The following EPHA4 variants were observed in gnomAD, a reference collection of about 807,000 sequenced individuals.
EPHA4 encodes the protein ephrin type-A receptor 4.
In EPHA4, 19 loss-of-function variants were observed where a neutral mutation model predicts 108.3. That is an observed-to-expected ratio of 0.18 (90% CI 0.12 to 0.26). The LOEUF (loss-of-function observed/expected upper bound fraction) is 0.26. Ranked by LOEUF, EPHA4 falls within the 10% of genes least tolerant of loss-of-function variation. The probability of loss-of-function intolerance (pLI) is 1.00; values close to 1 mark genes in which losing one functional copy is unlikely to be tolerated. For synonymous variants in EPHA4, 449 were observed against 455.5 expected (o/e 0.99, Z 0.18); for missense variants, 917 against 1,254.0 (o/e 0.73, Z 4.06).
Position 221,443,290 on chromosome 2 carries a change from T to C in EPHA4, c.1888+203A>G, listed in dbSNP as rs576675360. Among the ~76,000 whole-genome samples, 19 of 152,300 alleles carry C rather than the reference T, an allele frequency of 1.2e-4. No homozygotes were observed. The South Asian group carries it at 3.7e-3, about 30-fold the overall frequency. On this transcript the variant is annotated intron_variant, in intron 10 of 17. Transcript: ENST00000281821. ...TGAATGCAATCAATCTGATTTCAGA[T>C]TGCATTAAGTTTCTCTCTAAGAATA...
At chr2:221,473,126 A>G (rs566182840) in intron 5 of EPHA4, among the ~76,000 whole-genome samples, 9 of 152,242 alleles carry the variant, frequency 5.9e-5, no homozygotes, top group African/African-American at 2.2e-4. Flanking sequence ...CGTTTTTATC[A>G]TTGCCGTTTC....
chr2:221,543,566 A>G (rs1015789768), intron 3 of EPHA4, among the ~76,000 whole-genome samples: 1 of 152,170 alleles, frequency 6.6e-6, no homozygotes, highest in African/African-American at 2.4e-5. Context: ...TCGCTTCAAC[A>G]TGGCTCTAAG....
At chr2:221,434,846 G>C (rs1428515728) in intron 13 of EPHA4, among the ~76,000 whole-genome samples, 1 of 151,962 alleles carries the variant, frequency 6.6e-6, no homozygotes, top group African/African-American at 2.4e-5. Context: ...CCAGATACTA[G>C]AGCTATTAAT....
At chr2:221,493,572 C>G (rs6727259) in intron 4 of EPHA4, among the ~76,000 whole-genome samples, 99,529 of 152,154 alleles carry the variant, frequency 0.65, 32,883 homozygotes, top group East Asian at 0.8. Flanking sequence ...CAGCACCGGT[C>G]GAATCGACAT....
At chr2:221,543,469 T>C (rs1452826775) in intron 3 of EPHA4, among the ~76,000 whole-genome samples, 1 of 152,184 alleles carries the variant, frequency 6.6e-6, no homozygotes, top group Non-Finnish European at 1.5e-5. Flanking sequence ...TTGCCTATCT[T>C]TATACTTGCC....
intron 8 of EPHA4, among the ~76,000 whole-genome samples, chr2:221,448,800 G>A (rs1308951224): frequency 6.6e-6 from 1 of 152,148 alleles, no homozygotes; most frequent in Non-Finnish European, 1.5e-5. Context: ...AAAAACAAAT[G>A]CATAGAGTGA....
chr2:221,492,743 G>A (rs1209519911), intron 4 of EPHA4, among the ~76,000 whole-genome samples: 5 of 152,202 alleles, frequency 3.3e-5, no homozygotes, highest in Admixed American at 1.3e-4. Context: ...TGATCAGTTT[G>A]TACAGTCCAT....
At chr2:221,496,965 T>C (rs1022755445) in intron 4 of EPHA4, among the ~76,000 whole-genome samples, 3 of 152,056 alleles carry the variant, frequency 2.0e-5, no homozygotes, top group African/African-American at 7.2e-5. Context: ...GTACAATAAA[T>C]TAACAGACTG....
intron 3 of EPHA4, 156 bp from the exon 4 acceptor site, chr2:221,501,328 A>G: frequency 1.7e-6 from 1 of 581,628 alleles, no homozygotes; most frequent in Non-Finnish European, 2.8e-6. Flanking sequence ...AACCAAAAGC[A>G]TTCATTGAGT....
chr2:221,448,861 A>G (rs1322435272), intron 8 of EPHA4, among the ~76,000 whole-genome samples: 1 of 152,232 alleles, frequency 6.6e-6, no homozygotes, highest in Non-Finnish European at 1.5e-5. Context: ...AACCTGGAAT[A>G]TACCATAGAA....
chr2:221,511,886 T>G (rs191098934), intron 3 of EPHA4, among the ~76,000 whole-genome samples: 26 of 152,314 alleles, frequency 1.7e-4, no homozygotes, highest in Admixed American at 1.1e-3. Flanking sequence ...CACTGAAAAT[T>G]TGCTATCTGA....
intron 5 of EPHA4, among the ~76,000 whole-genome samples, chr2:221,471,832 G>A (rs1691496048): frequency 6.6e-6 from 1 of 152,154 alleles, no homozygotes. Flanking sequence ...TACTTTCAGA[G>A]GGGGTAAGGC....
intron 9 of EPHA4, among the ~76,000 whole-genome samples, chr2:221,444,127 G>A (rs1326417595): frequency 6.6e-6 from 1 of 151,966 alleles, no homozygotes; most frequent in Non-Finnish European, 1.5e-5. Flanking sequence ...GTTAATATCA[G>A]CTAGTTGATT....
chr2:221,566,909 A>AAGAG, intron 2 of EPHA4, among the ~76,000 whole-genome samples: 1 of 45,360 alleles, frequency 2.2e-5, no homozygotes, highest in African/African-American at 1.4e-4. Flanking sequence ...AAGGAGAAGG[A>AAGAG]GAAGGAGAAG....
intron 3 of EPHA4, among the ~76,000 whole-genome samples, chr2:221,535,161 G>A (rs1211772979): frequency 1.3e-5 from 2 of 152,198 alleles, no homozygotes; most frequent in African/African-American, 4.8e-5. Context: ...CCTTAGTGGT[G>A]TGGGCAATAC....
At chr2:221,473,414 G>A (rs1171806807) in intron 5 of EPHA4, among the ~76,000 whole-genome samples, 3 of 152,006 alleles carry the variant, frequency 2.0e-5, no homozygotes, top group Non-Finnish European at 4.4e-5. Context: ...AAATGCCACA[G>A]GGATGTTGAG....
chr2:221,423,626 C>A (rs556524099), intron 17 of EPHA4, among the ~76,000 whole-genome samples: 1 of 152,250 alleles, frequency 6.6e-6, no homozygotes, highest in South Asian at 2.1e-4. Flanking sequence ...ACCTGCTGAG[C>A]AGGAACAAAA....
At chr2:221,468,032 T>C (rs1238472702) in intron 5 of EPHA4, among the ~76,000 whole-genome samples, 2 of 152,118 alleles carry the variant, frequency 1.3e-5, no homozygotes, top group Non-Finnish European at 2.9e-5. Context: ...AAAATAAATA[T>C]ACATTTTTTT....
At chr2:221,546,891 A>G (rs899298386) in intron 3 of EPHA4, among the ~76,000 whole-genome samples, 1 of 152,218 alleles carries the variant, frequency 6.6e-6, no homozygotes, top group African/African-American at 2.4e-5. Context: ...TGTATTAATT[A>G]GGGTTGTGTT....
Sources: gnomAD v4.1 joint callset for allele counts (sites outside exome capture counted in the v4.1 genomes callset) on GRCh38, gnomAD v4.1.1 for gene constraint, MANE v1.5 for transcripts, NCBI Gene and HGNC (gene_info 2026-07-23, HGNC 2026-07-21) for gene names.